MREG: variants seen among roughly 807,000 people sequenced by gnomAD.
The protein encoded by MREG is dilute suppressor protein homolog.
A neutral mutation model predicts 28.5 loss-of-function variants in MREG; 31 were observed. The ratio of observed to expected loss-of-function variants is 1.09; its 90% CI spans 0.82 to 1.47. The LOEUF (loss-of-function observed/expected upper bound fraction) is 1.47, where lower values mean the gene tolerates loss of function less well. Ranked by LOEUF, MREG falls within the 40% of genes most tolerant of loss-of-function variation. MREG has a pLI of 0.00. For missense variants in MREG, 256 were observed against 257.4 expected, an observed-to-expected ratio of 0.99 and a Z score of 0.04; for synonymous variants, 106 against 95.2, an observed-to-expected ratio of 1.11 and a Z score of -0.66.
At chr2:216,019,927 A>C (rs981543604) in intron 1 of MREG, among the ~76,000 whole-genome samples, 2 of 152,200 alleles carry the variant, frequency 1.3e-5, no homozygotes, top group African/African-American at 4.8e-5. Flanking sequence ...AACATATTAT[A>C]ACTTCTCCTC....
chr2:216,017,826 C>T (rs878966), upstream of MREG, among the ~76,000 whole-genome samples: 68,456 of 151,796 alleles, frequency 0.45, 15,755 homozygotes, highest in East Asian at 0.59. Flanking sequence ...GGAAAAAGCA[C>T]AGGCAGGGAG....
intron 2 of MREG, among the ~76,000 whole-genome samples, chr2:215,980,838 CAG>C (rs1452149469): frequency 9.1e-6 from 1 of 109,498 alleles, no homozygotes; most frequent in Non-Finnish European, 1.6e-5. Flanking sequence ...GGAAGAGAAG[CAG>C]AGAGGAGGGG....
At chr2:216,028,438 G>C (rs879577112) in intron 1 of MREG, among the ~76,000 whole-genome samples, 1 of 145,324 alleles carries the variant, frequency 6.9e-6, no homozygotes, top group Non-Finnish European at 1.5e-5. Flanking sequence ...GGAGGCAGGA[G>C]AATGTCATGA....
intron 1 of MREG, among the ~76,000 whole-genome samples, chr2:216,013,020 G>A (rs528292527): frequency 1.3e-4 from 20 of 152,290 alleles, no homozygotes; most frequent in Admixed American, 5.2e-4. Flanking sequence ...TGGGTCTCAG[G>A]TGTCTCCGAA....
chr2:216,031,914 T>C (rs1475813235), intron 1 of MREG, among the ~76,000 whole-genome samples: 1 of 152,202 alleles, frequency 6.6e-6, no homozygotes, highest in Non-Finnish European at 1.5e-5. Context: ...ATTGAACCTC[T>C]CTACTTCTCC....
chr2:215,965,315 C>A (rs1439681012), intron 2 of MREG, among the ~76,000 whole-genome samples: 1 of 152,134 alleles, frequency 6.6e-6, no homozygotes, highest in East Asian at 1.9e-4. Flanking sequence ...TTCTGTGGGG[C>A]ATTGACTCTG....
chr2:216,021,531 C>T (rs1694521018), intron 1 of MREG, among the ~76,000 whole-genome samples: 1 of 152,138 alleles, frequency 6.6e-6, no homozygotes. Flanking sequence ...AACTGTACAA[C>T]CCCAAATGTG....
At chr2:215,947,146 AC>A in intron 2 of MREG, 33 bp from the exon 3 acceptor site, 1 of 1,442,650 alleles carries the variant, frequency 6.9e-7, no homozygotes, top group Non-Finnish European at 9.7e-7. Flanking sequence ...TTTTATTTAT[AC>A]CCCTTGGCTT....
At position 215,943,970 on chromosome 2, in the gene MREG, C is replaced by CTTTTTTTTTTTTTTT. The variant is rs869259776; in HGVS notation, c.*878_*892dup. 3 of 65,252 alleles carry CTTTTTTTTTTTTTTT rather than the reference C, an allele frequency of 4.6e-5. 1 individual carries two copies. Among genetic ancestry groups the CTTTTTTTTTTTTTTT allele is most frequent in the African/African-American group, 2.0e-4 (3 of 15,242 alleles). 4.0% of individuals were successfully genotyped at this position (65,252 alleles called of 1,614,324 possible). On this transcript the variant is annotated 3_prime_UTR_variant, in exon 5 of 5. Coordinates refer to ENST00000263268, the MANE Select transcript of MREG (RefSeq NM_018000.3). ...AAGTACAACACATGAATACATAACT[C>CTTTTTTTTTTTTTTT]TTTTTTTTTTTTTTTTTTTTTTTTT...
chr2:215,949,034 CTCTACT>C (rs1692393684), intron 2 of MREG, among the ~76,000 whole-genome samples: 1 of 131,292 alleles, frequency 7.6e-6, no homozygotes, highest in African/African-American at 2.9e-5. Flanking sequence ...AAAACCCTGT[CTCTACT>C]ACTACTACTA....
At chr2:215,965,622 C>T (rs1417721605) in intron 2 of MREG, among the ~76,000 whole-genome samples, 1 of 152,226 alleles carries the variant, frequency 6.6e-6, no homozygotes, top group African/African-American at 2.4e-5. Flanking sequence ...AATTATTCCT[C>T]CAGGATACCT....
At chr2:215,982,335 C>CAAA (rs35108598) in intron 2 of MREG, among the ~76,000 whole-genome samples, 3 of 135,770 alleles carry the variant, frequency 2.2e-5, no homozygotes, top group Non-Finnish European at 4.6e-5. Context: ...AAAACTCCGT[C>CAAA]AAAAAAAAAA....
At chr2:215,995,642 T>C (rs771647732) in intron 2 of MREG, among the ~76,000 whole-genome samples, 3 of 152,000 alleles carry the variant, frequency 2.0e-5, no homozygotes, top group Admixed American at 6.6e-5. Flanking sequence ...AACACAGAAG[T>C]CAGAAAACCT....
chr2:215,996,029 C>T (rs1574638928), intron 2 of MREG, among the ~76,000 whole-genome samples: 1 of 152,164 alleles, frequency 6.6e-6, no homozygotes, highest in African/African-American at 2.4e-5. Flanking sequence ...TTTAAGATGA[C>T]AAACTATCTT....
At chr2:216,029,216 A>G (rs1278261290) in intron 1 of MREG, among the ~76,000 whole-genome samples, 1 of 152,206 alleles carries the variant, frequency 6.6e-6, no homozygotes, top group Non-Finnish European at 1.5e-5. Flanking sequence ...GTGGTGGCTC[A>G]CGCCTGTAAT....
At position 215,943,970 on chromosome 2, in the gene MREG, C is replaced by CTTTTTTTTTT. The variant is rs869259776; in HGVS notation, c.*883_*892dup. On this transcript the variant is annotated 3_prime_UTR_variant, in exon 5 of 5. Coordinates refer to ENST00000263268, the MANE Select transcript of MREG (RefSeq NM_018000.3). ...AAGTACAACACATGAATACATAACT[C>CTTTTTTTTTT]TTTTTTTTTTTTTTTTTTTTTTTTT... The CTTTTTTTTTT allele has an allele frequency of 4.6e-5, 3 of 65,226 alleles. 1 individual carries two copies. Among genetic ancestry groups the CTTTTTTTTTT allele is most frequent in the African/African-American group, 2.0e-4 (3 of 15,220 alleles). 4.0% of individuals were successfully genotyped at this position (65,226 alleles called of 1,614,324 possible). A position where few individuals can be genotyped will look rare whatever the true frequency, so the allele number is the denominator to read the frequency against.
At chr2:216,005,869 A>G (rs1303748963) in intron 1 of MREG, among the ~76,000 whole-genome samples, 1 of 149,768 alleles carries the variant, frequency 6.7e-6, no homozygotes, top group Admixed American at 6.7e-5. Flanking sequence ...AAAGCTAAGT[A>G]AGAGCCAATT....
chr2:215,958,022 C>T lies in MREG; in HGVS notation c.256-10909G>A, dbSNP rs192702571. Among the ~76,000 whole-genome samples the T allele has an allele frequency of 1.6e-3, 242 of 151,032 alleles. 3 individuals carry two copies. Among genetic ancestry groups the T allele is most frequent in the African/African-American group, 5.1e-3 (208 of 41,060 alleles). ...ATCGCAAGGACAAAAAACCAAACACCGCACGTTCTCACTCGTAGGTGGGAA... is the reference window on the plus strand; with the variant it reads ...ATCGCAAGGACAAAAAACCAAACACTGCACGTTCTCACTCGTAGGTGGGAA... On this transcript the variant is annotated intron_variant, in intron 2 of 4. Coordinates refer to ENST00000263268, the MANE Select transcript of MREG (RefSeq NM_018000.3).
At chr2:216,019,788 A>T (rs955555258) in intron 1 of MREG, among the ~76,000 whole-genome samples, 4 of 151,834 alleles carry the variant, frequency 2.6e-5, no homozygotes, top group Admixed American at 2.0e-4. Context: ...TACAGGCTTG[A>T]GTCACCGCTT....
Sources: allele counts gnomAD v4.1 joint callset (sites outside exome capture counted in the v4.1 genomes callset), GRCh38; gene constraint gnomAD v4.1.1; transcripts MANE v1.5; gene names NCBI Gene and HGNC (gene_info 2026-07-23, HGNC 2026-07-21).